DPP6: variants seen among roughly 807,000 people sequenced by gnomAD.
DPP6 encodes the protein A-type potassium channel modulatory protein DPP6.
Under a neutral mutation model 122.6 loss-of-function variants are expected in DPP6, and 69 were observed. The ratio of observed to expected loss-of-function variants is 0.56; its 90% CI spans 0.46 to 0.69. The LOEUF is 0.69. Among genes scored for constraint, DPP6 ranks in the 30% least tolerant of loss-of-function variants. The pLI is 0.00. For synonymous variants in DPP6, 418 were observed against 433.1 expected (o/e 0.97, Z 0.43); for missense variants, 928 against 1,116.9 (o/e 0.83, Z 2.41).
the DPP6 span, among the ~76,000 whole-genome samples, chr7:153,877,969 C>T: frequency 0.04 from 6,076 of 152,218 alleles, 162 homozygotes; most frequent in Non-Finnish European, 0.064. Flanking sequence ...TTAACACGCA[C>T]GTCACAAAAG....
intron 1 of DPP6, among the ~76,000 whole-genome samples, chr7:153,946,683 T>G (rs894919426): frequency 1.3e-5 from 2 of 152,154 alleles, no homozygotes; most frequent in African/African-American, 4.8e-5. Flanking sequence ...GGAGTCACTT[T>G]GGTTCAAACG....
chr7:154,367,963 C>T (rs958693571), intron 1 of DPP6, among the ~76,000 whole-genome samples: 10 of 152,108 alleles, frequency 6.6e-5, no homozygotes, highest in African/African-American at 1.7e-4. Flanking sequence ...CCTGCCACCA[C>T]GCCCAACTGA....
chr7:153,931,089 G>A (rs1008621556), intron 1 of DPP6, among the ~76,000 whole-genome samples: 4 of 152,188 alleles, frequency 2.6e-5, no homozygotes, highest in Admixed American at 6.5e-5. Context: ...TCACTGGGAT[G>A]TATCTGTCTT....
chr7:154,034,801 C>G (rs1799435676), intron 1 of DPP6, among the ~76,000 whole-genome samples: 1 of 150,572 alleles, frequency 6.6e-6, no homozygotes, highest in African/African-American at 2.5e-5. Flanking sequence ...TTCTTCCCTT[C>G]TATCACTGAC....
intron 1 of DPP6, among the ~76,000 whole-genome samples, chr7:154,099,325 G>A (rs1287453687): frequency 6.6e-6 from 1 of 152,096 alleles, no homozygotes; most frequent in African/African-American, 2.4e-5. Flanking sequence ...TAAGCACTTG[G>A]ATACAGCAGT....
At chr7:154,300,320 T>C (rs1805823919) in intron 1 of DPP6, among the ~76,000 whole-genome samples, 1 of 152,166 alleles carries the variant, frequency 6.6e-6, no homozygotes, top group South Asian at 2.1e-4. Context: ...ACGAGAGTAC[T>C]TAGCTGCAAA....
At chr7:154,410,988 A>G (rs1816547529) in intron 1 of DPP6, among the ~76,000 whole-genome samples, 1 of 152,220 alleles carries the variant, frequency 6.6e-6, no homozygotes, top group Admixed American at 6.5e-5. Context: ...GGTTTGGGCC[A>G]AGAATGTTCC....
In DPP6 at chr7:154,241,947, A is replaced by G. The variant is rs1801649647; in HGVS notation, c.243+188884A>G. 6.6e-6 allele frequency among the ~76,000 whole-genome samples: 1 copy of G among 152,164 alleles called. No homozygotes were observed. The highest frequency in any genetic ancestry group is 1.5e-5 in the Non-Finnish European group (1 of 68,018). On this transcript the variant is annotated intron_variant, in intron 1 of 25. Coordinates refer to ENST00000377770, the MANE Select transcript of DPP6 (RefSeq NM_130797.4). The surrounding 1 kb of genome is among the most constrained non-coding windows in gnomAD (Gnocchi z 9.0). Reference sequence around the variant, plus strand: ...CTGAGTTTCTAGTAGATGTTAATCAAATTCTTTGCATGTGATTGCTCAGTC... The same window carrying G: ...CTGAGTTTCTAGTAGATGTTAATCAGATTCTTTGCATGTGATTGCTCAGTC...
chr7:154,270,646 C>T (rs189151204), intron 1 of DPP6, among the ~76,000 whole-genome samples: 28 of 152,252 alleles, frequency 1.8e-4, no homozygotes, highest in African/African-American at 5.8e-4. Context: ...CTTAAGGCGG[C>T]AAAGTGTGTA....
intron 1 of DPP6, among the ~76,000 whole-genome samples, chr7:154,183,576 G>GCAGA (rs1273749072): frequency 6.6e-6 from 1 of 152,192 alleles, no homozygotes; most frequent in Non-Finnish European, 1.5e-5. Flanking sequence ...ATTCACTAGG[G>GCAGA]CGTCTTCCTT....
At chr7:153,977,117 T>TC (rs1796346518) in intron 1 of DPP6, among the ~76,000 whole-genome samples, 1 of 152,194 alleles carries the variant, frequency 6.6e-6, no homozygotes, top group Non-Finnish European at 1.5e-5. Context: ...TTCTTTTTTT[T>TC]CTCTTTAGGA....
the DPP6 span, among the ~76,000 whole-genome samples, chr7:153,814,532 A>G: frequency 6.6e-6 from 1 of 152,128 alleles, no homozygotes; most frequent in South Asian, 2.1e-4. Context: ...CAGAGGTACA[A>G]GGAGGAACTG....
intron 1 of DPP6, among the ~76,000 whole-genome samples, chr7:154,118,026 G>A (rs368207592): frequency 2.0e-5 from 3 of 150,772 alleles, no homozygotes; most frequent in African/African-American, 7.5e-5. Flanking sequence ...GATTGAACTT[G>A]CCAAAGACAA....
At chr7:154,650,364 G>T (rs1836797564) in intron 6 of DPP6, among the ~76,000 whole-genome samples, 1 of 151,970 alleles carries the variant, frequency 6.6e-6, no homozygotes, top group Admixed American at 6.5e-5. Flanking sequence ...GGCAGAGGAG[G>T]GGAGGGGAGG....
At chr7:154,383,788 G>A (rs1461705009) in intron 1 of DPP6, among the ~76,000 whole-genome samples, 1 of 151,730 alleles carries the variant, frequency 6.6e-6, no homozygotes, top group Non-Finnish European at 1.5e-5. Context: ...TACTTGGGAG[G>A]CTGAGGCATG....
rs538119091 is a variant in DPP6 at position 154,055,090 on chromosome 7, C to A, written c.243+2027C>A. Among the ~76,000 whole-genome samples, 915 of 128,976 alleles carry A rather than the reference C, an allele frequency of 7.1e-3. 11 individuals are homozygous for A. The highest frequency in any genetic ancestry group is 0.025 in the African/African-American group (859 of 34,496). The allele number at this position is 128,976 out of a possible 152,430, so 84.6% of individuals were successfully genotyped here. A position where few individuals can be genotyped will look rare whatever the true frequency, so the allele number is the denominator to read the frequency against. On this transcript the variant is annotated intron_variant, in intron 1 of 25. Coordinates refer to ENST00000377770, the MANE Select transcript of DPP6 (RefSeq NM_130797.4). ...TAACTTAGATGTAAGTCCTGACATG[C>A]TTTTTTTTTTTTTTTCTGGAAAATA...
chr7:154,194,545 T>A, intron 1 of DPP6, among the ~76,000 whole-genome samples: 1 of 152,202 alleles, frequency 6.6e-6, no homozygotes, highest in South Asian at 2.1e-4. Flanking sequence ...CTCACCTCGC[T>A]CCTCCCAGGC....
intron 1 of DPP6, among the ~76,000 whole-genome samples, chr7:154,143,162 A>C (rs1450337287): frequency 6.6e-6 from 1 of 151,990 alleles, no homozygotes; most frequent in Admixed American, 6.6e-5. Context: ...AGGTTGTATT[A>C]TGAGTCCTGA....
intron 1 of DPP6, among the ~76,000 whole-genome samples, chr7:154,330,738 G>A (rs1233355732): frequency 6.6e-6 from 1 of 152,238 alleles, no homozygotes; most frequent in Non-Finnish European, 1.5e-5. Flanking sequence ...AGGTGAACTA[G>A]CAGGCAGCTT....
Sources: gnomAD v4.1 joint callset for allele counts (sites outside exome capture counted in the v4.1 genomes callset) on GRCh38, gnomAD v4.1.1 for gene constraint, Gnocchi (gnomAD v3.1) non-coding constraint, MANE v1.5 for transcripts, NCBI Gene and HGNC (gene_info 2026-07-23, HGNC 2026-07-21) for gene names.